SHISA6: variants seen among roughly 807,000 people sequenced by gnomAD.
The protein encoded by SHISA6 is protein shisa-6.
A neutral mutation model predicts 47.9 loss-of-function variants in SHISA6; 22 were observed. That is an observed-to-expected ratio of 0.46 (90% confidence interval 0.33 to 0.66). SHISA6 has a LOEUF of 0.66. Among genes scored for constraint, SHISA6 ranks in the 30% least tolerant of loss-of-function variants. SHISA6 has a pLI of 0.02. For synonymous variants in SHISA6, 388 were observed against 337.8 expected (o/e 1.15, Z -1.63); for missense variants, 680 against 764.6 (o/e 0.89, Z 1.30).
chr17:11,477,101 A>G (rs1001609962), intron 3 of SHISA6, among the ~76,000 whole-genome samples: 7 of 152,086 alleles, frequency 4.6e-5, no homozygotes, highest in African/African-American at 7.2e-5. Flanking sequence ...TTTCATTCGT[A>G]TTAACATGGC....
intron 2 of SHISA6, among the ~76,000 whole-genome samples, chr17:11,273,667 G>T (rs1188739026): frequency 1.3e-5 from 2 of 152,174 alleles, no homozygotes; most frequent in East Asian, 3.9e-4. Flanking sequence ...CATAGTCCTC[G>T]TGTAGGCAGT....
At chr17:11,465,442 T>C (rs1386562592) in intron 3 of SHISA6, among the ~76,000 whole-genome samples, 1 of 152,172 alleles carries the variant, frequency 6.6e-6, no homozygotes, top group African/African-American at 2.4e-5. Flanking sequence ...TGTCTGGCTC[T>C]GCTGGTCTGG....
intron 3 of SHISA6, among the ~76,000 whole-genome samples, chr17:11,491,881 C>T (rs978035485): frequency 2.0e-5 from 3 of 150,608 alleles, no homozygotes; most frequent in African/African-American, 7.3e-5. Context: ...AAGCAATTCT[C>T]CTGCCTCAGC....
chr17:11,320,735 C>G (rs1330040874), intron 2 of SHISA6, among the ~76,000 whole-genome samples: 2 of 152,084 alleles, frequency 1.3e-5, no homozygotes, highest in Non-Finnish European at 2.9e-5. Context: ...GAGCAAAACA[C>G]AGGCAACTAA....
intron 2 of SHISA6, among the ~76,000 whole-genome samples, chr17:11,314,445 G>A (rs1264515781): frequency 6.6e-6 from 1 of 151,414 alleles, no homozygotes; most frequent in Non-Finnish European, 1.5e-5. Flanking sequence ...AATAAGGTAG[G>A]AAACTAAGAT....
At chr17:11,554,311 C>G (rs1436487743) in intron 4 of SHISA6, among the ~76,000 whole-genome samples, 1 of 152,132 alleles carries the variant, frequency 6.6e-6, no homozygotes, top group Non-Finnish European at 1.5e-5. Flanking sequence ...CCCTCCACCC[C>G]CTCACATATG....
intron 2 of SHISA6, among the ~76,000 whole-genome samples, chr17:11,305,735 T>C (rs1382257470): frequency 6.6e-6 from 1 of 152,162 alleles, no homozygotes. Context: ...CCTCAGGGCA[T>C]GACAGAGAGT....
At chr17:11,373,487 C>G (rs906939153) in intron 2 of SHISA6, among the ~76,000 whole-genome samples, 1 of 152,124 alleles carries the variant, frequency 6.6e-6, no homozygotes, top group Non-Finnish European at 1.5e-5. Flanking sequence ...TATACTTTTT[C>G]TCAATTACAT....
chr17:11,258,513 CA>C (rs1013181624), intron 1 of SHISA6, among the ~76,000 whole-genome samples: 3 of 152,086 alleles, frequency 2.0e-5, no homozygotes, highest in Non-Finnish European at 4.4e-5. Flanking sequence ...AAGATTGGGA[CA>C]AAAAATAATC....
intron 3 of SHISA6, among the ~76,000 whole-genome samples, chr17:11,484,557 C>T (rs1475894917): frequency 6.6e-6 from 1 of 152,098 alleles, no homozygotes; most frequent in Non-Finnish European, 1.5e-5. Flanking sequence ...TGCACTACCA[C>T]GCCCAGCTAA....
chr17:11,467,139 G>T (rs16944801), intron 3 of SHISA6, among the ~76,000 whole-genome samples: 29,420 of 152,128 alleles, frequency 0.19, 2,993 homozygotes, highest in Middle Eastern at 0.29. Context: ...AAGCTGTCCA[G>T]AGTTAGTTCC....
At chr17:11,365,177 T>C (rs570900408) in intron 2 of SHISA6, among the ~76,000 whole-genome samples, 1 of 152,288 alleles carries the variant, frequency 6.6e-6, no homozygotes, top group South Asian at 2.1e-4. Flanking sequence ...ACTGTTATTA[T>C]CATTATTATT....
intron 1 of SHISA6, among the ~76,000 whole-genome samples, chr17:11,250,326 C>T (rs1483409089): frequency 6.6e-6 from 1 of 152,186 alleles, no homozygotes; most frequent in Non-Finnish European, 1.5e-5. Flanking sequence ...ACGGGGTCAC[C>T]AGCTGGGCCA....
chr17:11,318,973 C>T (rs1910614602), intron 2 of SHISA6, among the ~76,000 whole-genome samples: 2 of 151,882 alleles, frequency 1.3e-5, no homozygotes, highest in Non-Finnish European at 2.9e-5. Flanking sequence ...TGGCTAGAGT[C>T]TACTAATTTG....
At position 11,292,948 on chromosome 17, in the gene SHISA6, C is replaced by T. The variant is rs189373221; in HGVS notation, c.799+29422C>T. ...CAAGCGATTCTCCTGCCTCAGCCTC[C>T]GGAGTAGCGGGGATTACAGGCGCCC... On this transcript the variant is annotated intron_variant, in intron 2 of 5. Transcript: ENST00000441885. Among the ~76,000 whole-genome samples the T allele has an allele frequency of 7.1e-3, 1,080 of 151,794 alleles. 9 individuals carry two copies. The highest frequency in any genetic ancestry group is 0.01 in the Non-Finnish European group (688 of 67,962).
At position 11,379,409 on chromosome 17, in the gene SHISA6, T is replaced by C; in HGVS notation, c.800-5T>C. On this transcript the variant is annotated splice_polypyrimidine_tract_variant and splice_region_variant and intron_variant, in intron 2 of 5. Coordinates refer to ENST00000441885, the MANE Select transcript of SHISA6 (RefSeq NM_207386.4). ...GCCAGGTAATTCTGCCCCATCTTCT[T>C]GCAGGGCATTATGGGAAGGATGCTT... The C allele has an allele frequency of 1.3e-6, 2 of 1,535,204 alleles. No individual in the cohort carries two copies. Among genetic ancestry groups the C allele is most frequent in the Non-Finnish European group, 1.8e-6 (2 of 1,139,492 alleles).
chr17:11,342,885 A>G (rs548218943), intron 2 of SHISA6, among the ~76,000 whole-genome samples: 2 of 152,256 alleles, frequency 1.3e-5, no homozygotes, highest in Non-Finnish European at 2.9e-5. Flanking sequence ...TGTGAATTGC[A>G]CATTTCTCCA....
intron 2 of SHISA6, among the ~76,000 whole-genome samples, chr17:11,313,563 A>G (rs1004403125): frequency 6.6e-6 from 1 of 152,220 alleles, no homozygotes; most frequent in African/African-American, 2.4e-5. Flanking sequence ...TGGGAGCTAT[A>G]CATGGAAGCT....
intron 3 of SHISA6, among the ~76,000 whole-genome samples, chr17:11,533,114 AG>A (rs2071751352): frequency 6.6e-6 from 1 of 152,186 alleles, no homozygotes; most frequent in South Asian, 2.1e-4. Flanking sequence ...TCTGATGAAA[AG>A]AAATGGAATC....
Sources: allele counts gnomAD v4.1 joint callset (sites outside exome capture counted in the v4.1 genomes callset), GRCh38; gene constraint gnomAD v4.1.1; transcripts MANE v1.5; gene names NCBI Gene and HGNC (gene_info 2026-07-23, HGNC 2026-07-21).